The following IFNLR1 variants were observed in gnomAD, a reference collection of about 807,000 sequenced individuals.
IFNLR1 encodes CRF2-12.
Under a neutral mutation model 52.5 loss-of-function variants are expected in IFNLR1, and 28 were observed. The observed-to-expected ratio is 0.53, with a 90% CI of 0.40 to 0.73. The LOEUF is 0.73. IFNLR1 is among the 30% of genes least tolerant of loss of function. The pLI is 0.00. For missense variants in IFNLR1, 623 were observed against 659.1 expected, an observed-to-expected ratio of 0.95 and a Z score of 0.60; for synonymous variants, 276 against 274.9, an observed-to-expected ratio of 1.00 and a Z score of -0.04.
At chr1:24,183,266 A>T (rs1644708998) in intron 1 of IFNLR1, among the ~76,000 whole-genome samples, 1 of 152,108 alleles carries the variant, frequency 6.6e-6, no homozygotes, top group South Asian at 2.1e-4. Flanking sequence ...AACACCAGAA[A>T]ACACCTCATA....
intron 3 of IFNLR1, among the ~76,000 whole-genome samples, chr1:24,165,265 A>T (rs1025460003): frequency 2.6e-5 from 4 of 152,160 alleles, no homozygotes; most frequent in Non-Finnish European, 4.4e-5. Context: ...CATCATTTAC[A>T]AGCTCTGTGT....
chr1:24,168,888 T>C (rs1023765969), intron 3 of IFNLR1, among the ~76,000 whole-genome samples: 1 of 152,048 alleles, frequency 6.6e-6, no homozygotes, highest in African/African-American at 2.4e-5. Context: ...GGATTACAGG[T>C]GCCTGCCACC....
At position 24,187,191 on chromosome 1, in the gene IFNLR1, C is replaced by A; in HGVS notation, c.58G>T (p.Gly20Trp). The A allele has an allele frequency of 2.2e-6, 3 of 1,355,636 alleles. No homozygotes were observed. The highest frequency in any genetic ancestry group is 2.8e-6 in the Non-Finnish European group (3 of 1,053,842). 84.0% of individuals were successfully genotyped at this position (1,355,636 alleles called of 1,614,324 possible). Residue 20 changes from glycine to tryptophan, a missense_variant and splice_region_variant, in exon 1 of 7, where the codon GGG becomes TGG. Physicochemically the swap from Gly to Trp is radical, Grantham distance 184 (BLOSUM62 -2). Coordinates refer to ENST00000327535, the MANE Select transcript of IFNLR1 (RefSeq NM_170743.4). ...CCCTCCCGCGGCCCCGCGCCCTTACCTGGAGCGGCCTGCAGCAGGCACAGG... is the reference window on the plus strand; with the variant it reads ...CCCTCCCGCGGCCCCGCGCCCTTACATGGAGCGGCCTGCAGCAGGCACAGG... ...LLLCLLQAAP[G>W]RPRLAPPQNV...
At position 24,157,240 on chromosome 1, in the gene IFNLR1, C is replaced by T; in HGVS notation, c.1453G>A (p.Glu485Lys). ...CWESSPEEEE[E>K]ARESEIEDSD... ...TCCTCAATTTCTGATTCCCTCGCCTCCTCTTCCTCCTCAGGGCTGCTTTCC... is the reference window on the plus strand; with the variant it reads ...TCCTCAATTTCTGATTCCCTCGCCTTCTCTTCCTCCTCAGGGCTGCTTTCC... The change falls in exon 7 of 7, where the codon GAG becomes AAG. Residue 485 changes from glutamate to lysine, a missense_variant. By Grantham distance (56) the Glu-to-Lys change is moderately conservative (BLOSUM62 1). Transcript: ENST00000327535. This position sits in a 1 kb window ranked among gnomAD's most constrained non-coding sequence, Gnocchi z 5.1. The T allele has an allele frequency of 6.2e-7, 1 of 1,614,194 alleles. No individual in the cohort carries two copies. Among genetic ancestry groups the T allele is most frequent in the Non-Finnish European group, 8.5e-7 (1 of 1,180,028 alleles).
chr1:24,181,646 C>A (rs1644691687), intron 1 of IFNLR1, among the ~76,000 whole-genome samples: 1 of 152,168 alleles, frequency 6.6e-6, no homozygotes, highest in Admixed American at 6.5e-5. Context: ...AGTAATAAGC[C>A]TTTGAACTTG....
At chr1:24,167,610 C>G (rs889136297) in intron 3 of IFNLR1, among the ~76,000 whole-genome samples, 4 of 152,102 alleles carry the variant, frequency 2.6e-5, no homozygotes, top group Admixed American at 2.6e-4. Context: ...GTCTTGAACT[C>G]CTGATCTCAA....
At chr1:24,165,013 T>C (rs1382672102) in intron 3 of IFNLR1, among the ~76,000 whole-genome samples, 10 of 152,198 alleles carry the variant, frequency 6.6e-5, no homozygotes, top group Admixed American at 6.5e-4. Context: ...TCTGCTCGCC[T>C]CGGACTCTCA....
At chr1:24,175,444 T>A (rs1644622441) in intron 2 of IFNLR1, among the ~76,000 whole-genome samples, 1 of 152,256 alleles carries the variant, frequency 6.6e-6, no homozygotes, top group Non-Finnish European at 1.5e-5. Flanking sequence ...TTCTTTCCTA[T>A]TTTTCTCTTT....
At chr1:24,179,908 G>A (rs1229241057) in intron 2 of IFNLR1, among the ~76,000 whole-genome samples, 3 of 152,202 alleles carry the variant, frequency 2.0e-5, no homozygotes, top group Non-Finnish European at 4.4e-5. Context: ...TCCCATCTAT[G>A]TTCGAAGATG....
At chr1:24,166,684 C>G (rs1342612784) in intron 3 of IFNLR1, among the ~76,000 whole-genome samples, 2 of 151,916 alleles carry the variant, frequency 1.3e-5, no homozygotes, top group Admixed American at 6.6e-5. Flanking sequence ...ATAGCTGGGA[C>G]CACAGGTGCC....
At chr1:24,177,592 C>T (rs988769002) in intron 2 of IFNLR1, among the ~76,000 whole-genome samples, 2 of 152,176 alleles carry the variant, frequency 1.3e-5, no homozygotes, top group Non-Finnish European at 2.9e-5. Flanking sequence ...TGTGCCCACC[C>T]ACACTGAGTG....
chr1:24,183,448 T>A (rs958999734), intron 1 of IFNLR1, among the ~76,000 whole-genome samples: 2 of 152,092 alleles, frequency 1.3e-5, no homozygotes, highest in Non-Finnish European at 2.9e-5. Context: ...ATAAATTTTT[T>A]AAAAAATTAG....
intron 2 of IFNLR1, among the ~76,000 whole-genome samples, chr1:24,173,525 C>T (rs745638228): frequency 5.9e-5 from 9 of 152,122 alleles, no homozygotes; most frequent in African/African-American, 9.7e-5. Flanking sequence ...GGAAACAGCT[C>T]GACAGTTCCC....
intron 1 of IFNLR1, among the ~76,000 whole-genome samples, chr1:24,185,512 G>C (rs1283140602): frequency 6.6e-6 from 1 of 152,196 alleles, no homozygotes; most frequent in East Asian, 1.9e-4. Flanking sequence ...AGGGAGGGAG[G>C]GTCCAGTTCT....
chr1:24,171,399 T>C (rs774251079), intron 2 of IFNLR1, among the ~76,000 whole-genome samples: 8 of 152,212 alleles, frequency 5.3e-5, no homozygotes, highest in Non-Finnish European at 1.2e-4. Flanking sequence ...TTTTAAAGAA[T>C]AGGTATCTCA....
At position 24,163,318 on chromosome 1, in the gene IFNLR1, G is replaced by A. The variant is rs528420004; in HGVS notation, c.368-1634C>T. 9.2e-5 allele frequency among the ~76,000 whole-genome samples: 14 copies of A among 152,168 alleles called. 1 individual carries two copies. The East Asian group carries it at 2.7e-3, about 30-fold the overall frequency. ...GACTGACCTTAATCTATTCATGGGG[G>A]CAGCGTTCTTAAGGACTAAATCACC... On this transcript the variant is annotated intron_variant, in intron 3 of 6. Coordinates refer to ENST00000327535, the MANE Select transcript of IFNLR1 (RefSeq NM_170743.4).
chr1:24,166,352 C>T (rs1279268209), intron 3 of IFNLR1, among the ~76,000 whole-genome samples: 1 of 152,106 alleles, frequency 6.6e-6, no homozygotes, highest in Non-Finnish European at 1.5e-5. Context: ...CTCATCCATT[C>T]TTCCCATACA....
rs1043880822 is a variant in IFNLR1 at position 24,159,151 on chromosome 1, C to T, written c.702G>A (p.Ser234=). Residue 234 remains serine (S), a synonymous_variant, in exon 6 of 7, where the codon TCG becomes TCA. Transcript: ENST00000327535. ...EANWAFLVLP[S]LLILLLVIAA... is the part of the protein sequence containing the mutation. ...CAATTACTAACAGCAGTATCAGAAGCGATGGCAGCACCAGGAAAGCCCAGT... is the reference window on the plus strand; with the variant it reads ...CAATTACTAACAGCAGTATCAGAAGTGATGGCAGCACCAGGAAAGCCCAGT... The T allele has an allele frequency of 1.1e-5, 18 of 1,613,976 alleles. No individual in the cohort carries two copies. Among genetic ancestry groups the T allele is most frequent in the Middle Eastern group, 3.3e-4 (2 of 6,084 alleles).
chr1:24,159,326 G>T, intron 5 of IFNLR1, 144 bp from the exon 6 acceptor site: 1 of 1,246,968 alleles, frequency 8.0e-7, no homozygotes, highest in Non-Finnish European at 1.1e-6. Flanking sequence ...CAAGGTTTGG[G>T]GCATTATGTA....
Sources: gnomAD v4.1 joint callset for allele counts (sites outside exome capture counted in the v4.1 genomes callset) on GRCh38, gnomAD v4.1.1 for gene constraint, Gnocchi (gnomAD v3.1) non-coding constraint, MANE v1.5 for transcripts, NCBI Gene and HGNC (gene_info 2026-07-23, HGNC 2026-07-21) for gene names.